NNMT: variants seen among roughly 807,000 people sequenced by gnomAD.
NNMT encodes nicotinamide N-methyltransferase.
A neutral mutation model predicts 11.7 loss-of-function variants in NNMT; 10 were observed. The ratio of observed to expected loss-of-function variants is 0.85; its 90% CI spans 0.53 to 1.45. The LOEUF is 1.45. NNMT is among the 40% of genes most tolerant of loss of function. NNMT has a pLI of 0.00. For synonymous variants in NNMT, 143 were observed against 133.8 expected, an observed-to-expected ratio of 1.07 and a Z score of -0.48; for missense variants, 381 against 319.4, an observed-to-expected ratio of 1.19 and a Z score of -1.47.
At chr11:114,289,588 C>T (rs1331881523) in intron 2 of NNMT, among the ~76,000 whole-genome samples, 1 of 152,010 alleles carries the variant, frequency 6.6e-6, no homozygotes, top group Non-Finnish European at 1.5e-5. Flanking sequence ...TTTATAATTT[C>T]CATTATGATT....
rs757856886 is a variant in NNMT, at chr11:114,312,745, C to T, written c.*268C>T. 21 of 448,264 alleles carry T rather than the reference C, an allele frequency of 4.7e-5. No homozygotes were observed. Among genetic ancestry groups the T allele is most frequent in the Non-Finnish European group, 7.6e-5 (19 of 251,552 alleles). The allele number at this position is 448,264 out of a possible 1,614,324, so 27.8% of individuals were successfully genotyped here. A position where few individuals can be genotyped will look rare whatever the true frequency, so the allele number is the denominator to read the frequency against. On this transcript the variant is annotated 3_prime_UTR_variant, in exon 3 of 3. Transcript: ENST00000299964. ...TGCTTACAAAAGAAGACCTCACTTC[C>T]CTAAACATCTAGTTATGGCGGCTCA...
chr11:114,273,577 T>A (rs557703044), intron 2 of NNMT, among the ~76,000 whole-genome samples: 1 of 152,310 alleles, frequency 6.6e-6, no homozygotes, highest in East Asian at 1.9e-4. Context: ...CGGTGGCTCA[T>A]GCCTGTAATC....
At chr11:114,276,445 A>C (rs10891642) in intron 2 of NNMT, among the ~76,000 whole-genome samples, 46,445 of 152,052 alleles carry the variant, frequency 0.31, 7,997 homozygotes, top group African/African-American at 0.47. Flanking sequence ...GGATTTCCAG[A>C]TGCCATCCTG....
chr11:114,282,761 C>A (rs7115762), intron 2 of NNMT, among the ~76,000 whole-genome samples: 36,205 of 152,030 alleles, frequency 0.24, 4,530 homozygotes, highest in East Asian at 0.4. Context: ...TAGAGCCACA[C>A]AATGGAAGAA....
At chr11:114,278,505 C>T (rs1053259866) in intron 2 of NNMT, among the ~76,000 whole-genome samples, 10 of 152,080 alleles carry the variant, frequency 6.6e-5, no homozygotes, top group African/African-American at 2.4e-4. Flanking sequence ...CTAGAAGGCA[C>T]TACTAATGTT....
intron 1 of NNMT, among the ~76,000 whole-genome samples, chr11:114,260,276 C>A (rs536759122): frequency 5.4e-4 from 82 of 152,338 alleles, no homozygotes; most frequent in African/African-American, 1.6e-3. Flanking sequence ...TGTCCCCACC[C>A]AGCCAGCTTT....
intron 2 of NNMT, among the ~76,000 whole-genome samples, chr11:114,269,084 G>A (rs932098299): frequency 5.3e-5 from 8 of 152,126 alleles, no homozygotes; most frequent in African/African-American, 1.9e-4. Flanking sequence ...GGCAAAACGA[G>A]ACTAAATAAC....
At position 114,261,677 on chromosome 11, in the gene NNMT, A is replaced by C. The variant is rs1945082285; in HGVS notation, c.-216-1171A>C. ...TCAGGGTAGGGCTGAGTAAGGAGGG[A>C]ATGTGGTTCAGATTTGTGCCAGAGA... On this transcript the variant is annotated intron_variant, in intron 1 of 4. Transcript: ENST00000535401. 2.0e-5 allele frequency among the ~76,000 whole-genome samples: 3 copies of C among 152,242 alleles called. No individual in the cohort carries two copies. In the South Asian group the frequency reaches 6.2e-4, roughly 32 times the overall value.
chr11:114,273,278 G>C (rs768648115), intron 2 of NNMT, among the ~76,000 whole-genome samples: 2 of 152,184 alleles, frequency 1.3e-5, no homozygotes, highest in Admixed American at 1.3e-4. Context: ...GGCGAGAGGC[G>C]CTTCTTGCTG....
Position 114,301,047 on chromosome 11 carries a change from C to T in NNMT, c.362+2889C>T, listed in dbSNP as rs80325020. Among the ~76,000 whole-genome samples, 1,155 of 152,280 alleles carry T rather than the reference C, an allele frequency of 7.6e-3. 15 individuals carry two copies. The highest frequency in any genetic ancestry group is 0.026 in the African/African-American group (1,100 of 41,560). On this transcript the variant is annotated intron_variant, in intron 2 of 2. Transcript: ENST00000299964. ...TGATATTAAATTAAAAGGACTACAG[C>T]ACCACTACACACCTATTAGATCTAG...
At chr11:114,302,182 C>A (rs1945445141) in intron 2 of NNMT, among the ~76,000 whole-genome samples, 1 of 152,128 alleles carries the variant, frequency 6.6e-6, no homozygotes, top group Non-Finnish European at 1.5e-5. Context: ...GAATTTAAAT[C>A]TACCATCTTG....
At chr11:114,303,584 A>G (rs973371077) in intron 2 of NNMT, among the ~76,000 whole-genome samples, 1 of 152,216 alleles carries the variant, frequency 6.6e-6, no homozygotes, top group African/African-American at 2.4e-5. Flanking sequence ...TTCAAGAGGA[A>G]CATACAGTGA....
Position 114,312,221 on chromosome 11 carries a change from T to C in NNMT, c.539T>C (p.Leu180Pro), listed in dbSNP as rs1945557682. 2 of 1,614,056 alleles carry C rather than the reference T, an allele frequency of 1.2e-6. No individual in the cohort carries two copies. The highest frequency in any genetic ancestry group is 2.2e-5 in the South Asian group (2 of 91,086). The change falls in exon 3 of 3, where the codon CTC (leucine) becomes CCC (proline). Residue 180 changes from leucine (L) to proline (P), a missense_variant. Coordinates refer to ENST00000299964, the MANE Select transcript of NNMT (RefSeq NM_006169.3). ...GACCTCCCCACCTACTGCAGGGCGC[T>C]CAGGAACCTCGGCAGCCTACTGAAG... ...CPDLPTYCRA[L>P]RNLGSLLKPG...
At chr11:114,272,920 C>T (rs1439152455) in intron 2 of NNMT, among the ~76,000 whole-genome samples, 1 of 152,188 alleles carries the variant, frequency 6.6e-6, no homozygotes, top group African/African-American at 2.4e-5. Context: ...ACCTACCTGC[C>T]ACTGTACCCT....
At chr11:114,286,047 G>A (rs931057086) in intron 2 of NNMT, among the ~76,000 whole-genome samples, 3 of 152,164 alleles carry the variant, frequency 2.0e-5, no homozygotes, top group African/African-American at 7.2e-5. Flanking sequence ...TTTCTGTAAT[G>A]TTCTCCTCCA....
chr11:114,297,172 T>G (rs943398910), intron 1 of NNMT, among the ~76,000 whole-genome samples: 1 of 152,220 alleles, frequency 6.6e-6, no homozygotes, highest in Admixed American at 6.5e-5. Context: ...AAGTATTGCT[T>G]AATAGTTTTT....
intron 2 of NNMT, among the ~76,000 whole-genome samples, chr11:114,283,005 A>G (rs1945272899): frequency 6.6e-6 from 1 of 152,254 alleles, no homozygotes; most frequent in Admixed American, 6.5e-5. Context: ...ATAGCAGATC[A>G]TTCTAAAAAT....
At chr11:114,290,165 A>G (rs1320072221) in intron 2 of NNMT, among the ~76,000 whole-genome samples, 1 of 152,232 alleles carries the variant, frequency 6.6e-6, no homozygotes, top group Non-Finnish European at 1.5e-5. Context: ...CATTCAAATC[A>G]TAGCAGTGGG....
intron 2 of NNMT, among the ~76,000 whole-genome samples, chr11:114,290,627 A>G (rs1356425506): frequency 3.9e-5 from 6 of 152,158 alleles, no homozygotes; most frequent in Admixed American, 6.5e-5. Flanking sequence ...TTTTATGTCT[A>G]TTAGAATCAC....
Sources: allele counts gnomAD v4.1 joint callset (sites outside exome capture counted in the v4.1 genomes callset), GRCh38; gene constraint gnomAD v4.1.1; transcripts MANE v1.5; gene names NCBI Gene and HGNC (gene_info 2026-07-23, HGNC 2026-07-21).